The following UGCG variants were observed in gnomAD, a reference collection of about 807,000 sequenced individuals.
The protein encoded by UGCG is ceramide glucosyltransferase.
UGCG carries 10 observed loss-of-function variants against 49.5 expected under a neutral mutation model. The observed-to-expected ratio is 0.20, with a 90% CI of 0.12 to 0.34. The LOEUF (loss-of-function observed/expected upper bound fraction) is 0.34. UGCG is among the 10% of genes least tolerant of loss of function. The pLI, the probability that UGCG is intolerant of heterozygous loss-of-function variation, is 1.00. For synonymous variants in UGCG, 182 were observed against 158.2 expected, an observed-to-expected ratio of 1.15 and a Z score of -1.13; for missense variants, 312 against 483.7, an observed-to-expected ratio of 0.65 and a Z score of 3.33.
chr9:111,924,649 TTAAA>T (rs35471909), intron 3 of UGCG, 124 bp from the exon 4 acceptor site: 118,709 of 373,122 alleles, frequency 0.32, 19,309 homozygotes, highest in Admixed American at 0.42. Context: ...ATAGAGAATG[TTAAA>T]TAATATGAAA....
intron 1 of UGCG, among the ~76,000 whole-genome samples, chr9:111,903,682 A>G (rs1356938030): frequency 1.3e-5 from 2 of 151,620 alleles, no homozygotes; most frequent in African/African-American, 4.8e-5. Context: ...CACAGCCTTG[A>G]CCTCCCAGGC....
chr9:111,928,522 A>G (rs747219819), intron 5 of UGCG, among the ~76,000 whole-genome samples: 22 of 152,358 alleles, frequency 1.4e-4, no homozygotes, highest in Middle Eastern at 3.4e-3. Context: ...CATTCAGCTC[A>G]GTGACTAACA....
chr9:111,931,881 G>C, intron 7 of UGCG, among the ~76,000 whole-genome samples: 1 of 152,030 alleles, frequency 6.6e-6, no homozygotes, highest in East Asian at 1.9e-4. Context: ...GCAAAAATTA[G>C]CCAGGTGTGG....
intron 1 of UGCG, among the ~76,000 whole-genome samples, chr9:111,905,673 C>T (rs1396230068): frequency 4.6e-5 from 7 of 152,088 alleles, no homozygotes; most frequent in Non-Finnish European, 8.8e-5. Flanking sequence ...GGGCTGGTCT[C>T]GAACTCCTGA....
chr9:111,921,718 T>C (rs1296805298), intron 2 of UGCG, among the ~76,000 whole-genome samples: 2 of 150,490 alleles, frequency 1.3e-5, no homozygotes, highest in Non-Finnish European at 3.0e-5. Flanking sequence ...TAAATCTGGC[T>C]GCATGTCAGA....
chr9:111,919,880 G>C (rs1838189614), intron 2 of UGCG, among the ~76,000 whole-genome samples: 1 of 151,888 alleles, frequency 6.6e-6, no homozygotes, highest in Non-Finnish European at 1.5e-5. Context: ...GCCTCCTATA[G>C]TAGGAAAGCT....
rs536390396 is a variant in UGCG, at chr9:111,926,688, T to G, written c.558+192T>G. On this transcript the variant is annotated intron_variant, in intron 5 of 8. Transcript: ENST00000374279. ...GTGAGGAAATTCTTGGGACCCTGAC[T>G]GTACCCTGGCAGTGAACAGCTGTGC... Among the ~76,000 whole-genome samples the G allele has an allele frequency of 7.2e-5, 11 of 152,218 alleles. No individual in the cohort carries two copies. In the South Asian group the frequency reaches 1.9e-3, roughly 26 times the overall value.
intron 2 of UGCG, among the ~76,000 whole-genome samples, chr9:111,918,698 C>T (rs1564202099): frequency 1.3e-5 from 2 of 152,082 alleles, no homozygotes; most frequent in Admixed American, 1.3e-4. Flanking sequence ...CTTTGGGAGG[C>T]CGAGGCGGGC....
rs879391426 is a variant in UGCG, at chr9:111,909,739, G to GCC, written c.99-4866_99-4865insCC. Among the ~76,000 whole-genome samples the GCC allele has an allele frequency of 8.9e-3, 1,362 of 152,322 alleles. 20 individuals carry two copies. Among genetic ancestry groups the GCC allele is most frequent in the African/African-American group, 0.03 (1,245 of 41,560 alleles). ...TGTTTTGTTTATTTGGTGACTTAAT[G>GCC]GATATTCTTCTATTGTTTTGACAAA... On this transcript the variant is annotated intron_variant, in intron 1 of 8. Transcript: ENST00000374279.
rs56181304 is a variant in UGCG, at chr9:111,905,282, C to G, written c.98+7969C>G. 8.3e-3 allele frequency among the ~76,000 whole-genome samples: 1,259 copies of G among 152,264 alleles called. 18 individuals carry two copies. Among genetic ancestry groups the G allele is most frequent in the African/African-American group, 0.029 (1,186 of 41,538 alleles). On this transcript the variant is annotated intron_variant, in intron 1 of 8. Coordinates refer to ENST00000374279, the MANE Select transcript of UGCG (RefSeq NM_003358.3). ...AGATAGCAGCAAGTACATATGTAAT[C>G]TACTGGACATTACCATTCTTACCTT...
chr9:111,917,559 A>G (rs1381850366), intron 2 of UGCG, among the ~76,000 whole-genome samples: 7 of 152,214 alleles, frequency 4.6e-5, no homozygotes, highest in African/African-American at 1.7e-4. Context: ...CTCTTCTAAT[A>G]TTCGATTGGG....
intron 5 of UGCG, among the ~76,000 whole-genome samples, chr9:111,929,062 C>CA (rs1838374628): frequency 1.5e-5 from 2 of 131,686 alleles, no homozygotes; most frequent in African/African-American, 2.8e-5. Context: ...CCCCACCCCC[C>CA]AAAAAAATAG....
At chr9:111,910,401 T>TA (rs566954953) in intron 1 of UGCG, among the ~76,000 whole-genome samples, 7 of 152,198 alleles carry the variant, frequency 4.6e-5, no homozygotes, top group Non-Finnish European at 1.0e-4. Flanking sequence ...TAGACCTTCT[T>TA]ATTCTGTCAT....
intron 3 of UGCG, among the ~76,000 whole-genome samples, chr9:111,924,501 T>C (rs1367303778): frequency 6.6e-6 from 1 of 152,170 alleles, no homozygotes; most frequent in Non-Finnish European, 1.5e-5. Flanking sequence ...CAATTGCCAT[T>C]AAATATTGAC....
chr9:111,901,627 A>G (rs949846514), intron 1 of UGCG, among the ~76,000 whole-genome samples: 4 of 152,246 alleles, frequency 2.6e-5, no homozygotes, highest in African/African-American at 4.8e-5. Context: ...GCAAACCACC[A>G]TGGCACATGT....
chr9:111,909,163 G>A (rs934628252), intron 1 of UGCG, among the ~76,000 whole-genome samples: 1 of 152,056 alleles, frequency 6.6e-6, no homozygotes, highest in East Asian at 1.9e-4. Context: ...CAAGTGATCC[G>A]CCTGCCTCAT....
At chr9:111,930,084 C>T (rs1838396290) in intron 6 of UGCG, among the ~76,000 whole-genome samples, 1 of 152,122 alleles carries the variant, frequency 6.6e-6, no homozygotes, top group Non-Finnish European at 1.5e-5. Flanking sequence ...TCCTAAAGTG[C>T]TGGGATTACA....
At chr9:111,915,861 G>A (rs1450494400) in intron 2 of UGCG, 2 of 970,496 alleles carry the variant, frequency 2.1e-6, no homozygotes, top group Non-Finnish European at 2.4e-6. Context: ...GTATCATTCA[G>A]TTGTATTTTT....
intron 1 of UGCG, among the ~76,000 whole-genome samples, chr9:111,906,052 T>G (rs776648966): frequency 2.6e-5 from 4 of 152,238 alleles, no homozygotes; most frequent in Non-Finnish European, 4.4e-5. Context: ...GCCTGCATCA[T>G]TTGGTATGCT....
Sources: gnomAD v4.1 joint callset for allele counts (sites outside exome capture counted in the v4.1 genomes callset) on GRCh38, gnomAD v4.1.1 for gene constraint, MANE v1.5 for transcripts, NCBI Gene and HGNC (gene_info 2026-07-23, HGNC 2026-07-21) for gene names.